Variants in NXPH2 observed in about 807,000 individuals in gnomAD.
The protein encoded by NXPH2 is neurexophilin 2.
Under a neutral mutation model 19.8 loss-of-function variants are expected in NXPH2, and 5 were observed. The ratio of observed to expected loss-of-function variants is 0.25; its 90% CI spans 0.13 to 0.53. NXPH2 has a LOEUF of 0.53. Ranked by LOEUF, NXPH2 falls within the 20% of genes least tolerant of loss-of-function variation. The probability of loss-of-function intolerance (pLI) is 0.96; values close to 1 mark genes in which losing one functional copy is unlikely to be tolerated. For synonymous variants in NXPH2, 154 were observed against 127.4 expected (o/e 1.21, Z -1.41); for missense variants, 289 against 322.8 (o/e 0.90, Z 0.80).
chr2:138,696,082 T>C (rs1680825402), intron 1 of NXPH2, among the ~76,000 whole-genome samples: 2 of 152,170 alleles, frequency 1.3e-5, no homozygotes, highest in South Asian at 4.1e-4. Flanking sequence ...TAGATATGTA[T>C]ATATTTTTTA....
chr2:138,730,523 C>A (rs749878457), intron 1 of NXPH2, among the ~76,000 whole-genome samples: 1 of 152,006 alleles, frequency 6.6e-6, no homozygotes, highest in Non-Finnish European at 1.5e-5. Context: ...CTCTTGAGGC[C>A]CTGAGCTGCT....
intron 1 of NXPH2, among the ~76,000 whole-genome samples, chr2:138,767,516 A>G (rs1192238510): frequency 1.3e-5 from 2 of 152,344 alleles, no homozygotes; most frequent in South Asian, 4.1e-4. Context: ...ACATAGGTAT[A>G]CATGTGCCAT....
At chr2:138,704,765 T>C (rs1348415916) in intron 1 of NXPH2, among the ~76,000 whole-genome samples, 1 of 151,926 alleles carries the variant, frequency 6.6e-6, no homozygotes, top group South Asian at 2.1e-4. Flanking sequence ...CAAGTGATCC[T>C]CTCACCTTAG....
chr2:138,737,418 A>G (rs547026477), intron 1 of NXPH2, among the ~76,000 whole-genome samples: 17 of 152,302 alleles, frequency 1.1e-4, no homozygotes, highest in African/African-American at 4.1e-4. Context: ...CTTATTCACT[A>G]TCATGAGAAC....
chr2:138,681,766 T>C (rs1392856326), intron 1 of NXPH2, among the ~76,000 whole-genome samples: 5 of 152,202 alleles, frequency 3.3e-5, no homozygotes, highest in Non-Finnish European at 7.4e-5. Context: ...CGGTCTTGGA[T>C]ACCCTATAAG....
At chr2:138,691,428 C>T (rs576190074) in intron 1 of NXPH2, among the ~76,000 whole-genome samples, 4 of 152,256 alleles carry the variant, frequency 2.6e-5, no homozygotes, top group Admixed American at 2.0e-4. Flanking sequence ...ATGTGAGAGA[C>T]ATATATTAAT....
chr2:138,773,308 C>T (rs1682206635), intron 1 of NXPH2, among the ~76,000 whole-genome samples: 2 of 152,164 alleles, frequency 1.3e-5, no homozygotes, highest in African/African-American at 2.4e-5. Flanking sequence ...TTTCCATTTC[C>T]ATAGCCATAT....
chr2:138,684,251 G>A (rs571175110), intron 1 of NXPH2, among the ~76,000 whole-genome samples: 1 of 152,116 alleles, frequency 6.6e-6, no homozygotes, highest in Admixed American at 6.5e-5. Context: ...TTTGTATAAG[G>A]CCATTGTACT....
chr2:138,726,800 AG>A, intron 1 of NXPH2, among the ~76,000 whole-genome samples: 1 of 152,318 alleles, frequency 6.6e-6, no homozygotes, highest in African/African-American at 2.4e-5. Context: ...TGAAGCTCAC[AG>A]CACTTATTAG....
chr2:138,721,004 C>T (rs750241912), intron 1 of NXPH2, among the ~76,000 whole-genome samples: 2 of 152,084 alleles, frequency 1.3e-5, no homozygotes, highest in African/African-American at 2.4e-5. Flanking sequence ...AACTGAAGGA[C>T]GCATGCAGGG....
chr2:138,766,983 A>G (rs751003078), intron 1 of NXPH2, among the ~76,000 whole-genome samples: 8 of 152,128 alleles, frequency 5.3e-5, no homozygotes, highest in Non-Finnish European at 8.8e-5. Context: ...TAATTTATTA[A>G]TATTAGATGG....
rs138377616 is a variant in NXPH2, at chr2:138,675,465, C to T, written c.52-3800G>A. On this transcript the variant is annotated intron_variant, in intron 1 of 1. Transcript: ENST00000272641. ...CACTGATACCTTAAGAGATCCTTCT[C>T]TTATCACTAGTACTTCCATTGTGAT... 2.5e-3 allele frequency among the ~76,000 whole-genome samples: 378 copies of T among 152,186 alleles called. 1 individual carries two copies. The highest frequency in any genetic ancestry group is 8.5e-3 in the African/African-American group (351 of 41,524).
intron 1 of NXPH2, among the ~76,000 whole-genome samples, chr2:138,744,957 C>T (rs1681703205): frequency 6.6e-6 from 1 of 152,164 alleles, no homozygotes; most frequent in African/African-American, 2.4e-5. Context: ...GCTTTAGGTG[C>T]AAGTACAGAA....
intron 1 of NXPH2, among the ~76,000 whole-genome samples, chr2:138,771,287 C>T (rs1036154160): frequency 2.8e-4 from 42 of 152,026 alleles, no homozygotes; most frequent in African/African-American, 1.0e-3. Flanking sequence ...CCAAAATATG[C>T]TATTGCATTA....
At chr2:138,734,211 T>C (rs140682183) in intron 1 of NXPH2, among the ~76,000 whole-genome samples, 337 of 152,228 alleles carry the variant, frequency 2.2e-3, no homozygotes, top group African/African-American at 7.2e-3. Context: ...CACCACTGCA[T>C]TCCAGCCTGG....
rs557831436 is a variant in NXPH2 at position 138,714,945 on chromosome 2, T to A, written c.52-43280A>T. Among the ~76,000 whole-genome samples the A allele has an allele frequency of 3.9e-5, 6 of 152,328 alleles. No individual in the cohort carries two copies. The East Asian group carries it at 1.2e-3, about 29-fold the overall frequency. ...TTCAGCAAGAATGACTAAAAGAATT[T>A]CATGAGTAGACACATTACCGTAAAT... is the stretch of plus-strand genomic sequence containing the variant. On this transcript the variant is annotated intron_variant, in intron 1 of 1. Coordinates refer to ENST00000272641, the MANE Select transcript of NXPH2 (RefSeq NM_007226.3).
At chr2:138,699,963 C>G (rs530832198) in intron 1 of NXPH2, among the ~76,000 whole-genome samples, 1 of 152,264 alleles carries the variant, frequency 6.6e-6, no homozygotes, top group East Asian at 1.9e-4. Context: ...AACATTGTTC[C>G]GTTCAGGTGC....
intron 1 of NXPH2, among the ~76,000 whole-genome samples, chr2:138,681,546 A>G (rs1287150723): frequency 2.0e-5 from 3 of 152,222 alleles, no homozygotes; most frequent in Non-Finnish European, 4.4e-5. Flanking sequence ...ATTTTATAGT[A>G]CACCAAAAAT....
intron 1 of NXPH2, among the ~76,000 whole-genome samples, chr2:138,759,505 G>T (rs556885790): frequency 6.6e-6 from 1 of 152,184 alleles, no homozygotes; most frequent in South Asian, 2.1e-4. Context: ...AGGTGGGAAG[G>T]TGGGAAATGG....
Sources: gnomAD v4.1 joint callset for allele counts (sites outside exome capture counted in the v4.1 genomes callset) on GRCh38, gnomAD v4.1.1 for gene constraint, MANE v1.5 for transcripts, NCBI Gene and HGNC (gene_info 2026-07-23, HGNC 2026-07-21) for gene names.